Variants in JARID2 observed in about 807,000 individuals in gnomAD.
JARID2 encodes the protein protein Jumonji.
In JARID2, 21 loss-of-function variants were observed where a neutral mutation model predicts 125.6. That is an observed-to-expected ratio of 0.17 (90% CI 0.12 to 0.24). The LOEUF (loss-of-function observed/expected upper bound fraction) is 0.24. Among genes scored for constraint, JARID2 ranks in the 10% least tolerant of loss-of-function variants. The pLI is 1.00. For synonymous variants in JARID2, 736 were observed against 661.6 expected, an observed-to-expected ratio of 1.11 and a Z score of -1.73; for missense variants, 1,303 against 1,639.6, an observed-to-expected ratio of 0.79 and a Z score of 3.55.
At chr6:15,263,732 A>G (rs1457869673) in intron 1 of JARID2, among the ~76,000 whole-genome samples, 1 of 151,732 alleles carries the variant, frequency 6.6e-6, no homozygotes, top group Non-Finnish European at 1.5e-5. Context: ...AGCCAGGATT[A>G]CAGGCACCCG....
chr6:15,439,212 G>T (rs1293347793), intron 3 of JARID2, among the ~76,000 whole-genome samples: 1 of 152,108 alleles, frequency 6.6e-6, no homozygotes, highest in Admixed American at 6.5e-5. Flanking sequence ...TAAGATTTTG[G>T]ACATTGCTCA....
chr6:15,513,482 G>C, intron 16 of JARID2, 60 bp downstream of exon 16: 2 of 1,493,764 alleles, frequency 1.3e-6, no homozygotes, highest in Non-Finnish European at 1.8e-6. Context: ...AGAGCTCCGG[G>C]GTTGCCCCCA....
intron 3 of JARID2, among the ~76,000 whole-genome samples, chr6:15,422,925 G>A (rs148942101): frequency 6.7e-6 from 1 of 149,632 alleles, no homozygotes; most frequent in East Asian, 2.0e-4. Flanking sequence ...AGTCCATCTT[G>A]TCTTCTCATG....
intron 1 of JARID2, chr6:15,368,578 T>C (rs1345609019): frequency 5.4e-6 from 2 of 368,006 alleles, no homozygotes; most frequent in Non-Finnish European, 1.1e-5. Context: ...AGAGAAGTCA[T>C]CCCAAGTTGA....
At position 15,497,081 on chromosome 6, in the gene JARID2, G is replaced by A. The variant is rs966646702; in HGVS notation, c.1856G>A (p.Arg619Gln). Residue 619 changes from arginine to glutamine, a missense_variant, in exon 7 of 18, where the codon CGG (arginine) becomes CAG (glutamine). Transcript: ENST00000341776. ...TQIQHIHKLGRRWGPNVQRLA... is the reference protein window; with the variant it reads ...TQIQHIHKLGQRWGPNVQRLA... ...ATTCAGCACATCCACAAGCTGGGCC[G>A]GCGCTGGGGCCCCAACGTGCAGCGG... is the stretch of plus-strand genomic sequence containing the variant. The A allele has an allele frequency of 4.4e-6, 7 of 1,594,980 alleles. No homozygotes were observed. The highest frequency in any genetic ancestry group is 5.1e-6 in the Non-Finnish European group (6 of 1,170,996).
chr6:15,462,821 A>G (rs942782378), intron 4 of JARID2, among the ~76,000 whole-genome samples: 3 of 152,228 alleles, frequency 2.0e-5, no homozygotes, highest in African/African-American at 4.8e-5. Flanking sequence ...GTCTGTGTAC[A>G]TGATTCATAG....
At chr6:15,397,956 A>C (rs1239296087) in intron 2 of JARID2, among the ~76,000 whole-genome samples, 1 of 152,186 alleles carries the variant, frequency 6.6e-6, no homozygotes, top group Non-Finnish European at 1.5e-5. Context: ...GTAGTATTAT[A>C]AATACTCCAT....
At chr6:15,295,123 CTT>C (rs60419870) in intron 1 of JARID2, among the ~76,000 whole-genome samples, 11 of 129,416 alleles carry the variant, frequency 8.5e-5, no homozygotes, top group Non-Finnish European at 9.7e-5. Context: ...TTTTTTCTTT[CTT>C]TTTTTTTTTT....
At chr6:15,431,208 C>T (rs1426258062) in intron 3 of JARID2, among the ~76,000 whole-genome samples, 1 of 152,132 alleles carries the variant, frequency 6.6e-6, no homozygotes, top group Non-Finnish European at 1.5e-5. Flanking sequence ...TAAATAGAGC[C>T]CTTACAGATC....
intron 5 of JARID2, among the ~76,000 whole-genome samples, chr6:15,477,510 T>TTC (rs1769403765): frequency 6.7e-6 from 1 of 148,890 alleles, no homozygotes; most frequent in African/African-American, 2.5e-5. Context: ...GTTGGTTTTT[T>TTC]TTTTTTTTTT....
At chr6:15,268,298 A>T (rs1760166200) in intron 1 of JARID2, among the ~76,000 whole-genome samples, 1 of 152,216 alleles carries the variant, frequency 6.6e-6, no homozygotes, top group Non-Finnish European at 1.5e-5. Flanking sequence ...GCTGCTGCTA[A>T]TAGAAAACAA....
chr6:15,516,447 C>T (rs954199062), intron 16 of JARID2, among the ~76,000 whole-genome samples: 12 of 152,214 alleles, frequency 7.9e-5, no homozygotes, highest in African/African-American at 2.9e-4. Context: ...GTCTCTGTCC[C>T]AGCACTCTCC....
At chr6:15,294,861 T>C (rs1204162566) in intron 1 of JARID2, among the ~76,000 whole-genome samples, 2 of 152,162 alleles carry the variant, frequency 1.3e-5, no homozygotes, top group African/African-American at 4.8e-5. Flanking sequence ...CTGGAAGATA[T>C]CTGGGAACTT....
At chr6:15,286,898 G>A (rs969382857) in intron 1 of JARID2, among the ~76,000 whole-genome samples, 5 of 147,024 alleles carry the variant, frequency 3.4e-5, no homozygotes, top group African/African-American at 1.3e-4. Context: ...GAAGGTAATA[G>A]GAATAACAGC....
At chr6:15,481,889 TATGGTTCACTATGTTA>T (rs1293052043) in intron 5 of JARID2, among the ~76,000 whole-genome samples, 1 of 152,226 alleles carries the variant, frequency 6.6e-6, no homozygotes, top group East Asian at 1.9e-4. Flanking sequence ...GCAGCCAGTT[TATGGTTCACTATGTTA>T]ATTTCACCTG....
chr6:15,415,166 G>T (rs984281688), intron 3 of JARID2, among the ~76,000 whole-genome samples: 7 of 152,196 alleles, frequency 4.6e-5, no homozygotes, highest in Non-Finnish European at 8.8e-5. Flanking sequence ...CGAGGCAGAA[G>T]AATTTTTCCC....
intron 3 of JARID2, among the ~76,000 whole-genome samples, chr6:15,433,779 C>A (rs1177023751): frequency 6.6e-6 from 1 of 152,084 alleles, no homozygotes; most frequent in Admixed American, 6.5e-5. Context: ...TTTGACAGTG[C>A]TTTCTCCCTG....
intron 3 of JARID2, among the ~76,000 whole-genome samples, chr6:15,433,410 C>CTGTGTGTGTG (rs57296791): frequency 0.053 from 7,569 of 143,288 alleles, 231 homozygotes; most frequent in Admixed American, 0.079. Flanking sequence ...CCATGTCTCT[C>CTGTGTGTGTG]TGTGTGTGTG....
Position 15,483,095 on chromosome 6 carries a change from A to G in JARID2, c.671-4212A>G, listed in dbSNP as rs189628315. Among the ~76,000 whole-genome samples the G allele has an allele frequency of 5.9e-5, 9 of 152,318 alleles. No homozygotes were observed. In the East Asian group the frequency reaches 1.7e-3, roughly 29 times the overall value. ...GACAGGCTTGCTTTGTTCATTTTTGAAAAAAATCTAGTAACTAAGTAAAAA... is the reference window on the plus strand; with the variant it reads ...GACAGGCTTGCTTTGTTCATTTTTGGAAAAAATCTAGTAACTAAGTAAAAA... On this transcript the variant is annotated intron_variant, in intron 5 of 17. Coordinates refer to ENST00000341776, the MANE Select transcript of JARID2 (RefSeq NM_004973.4).
Sources: gnomAD v4.1 joint callset for allele counts (sites outside exome capture counted in the v4.1 genomes callset) on GRCh38, gnomAD v4.1.1 for gene constraint, MANE v1.5 for transcripts, NCBI Gene and HGNC (gene_info 2026-07-23, HGNC 2026-07-21) for gene names.